PRKN: variants seen among roughly 807,000 people sequenced by gnomAD.
The protein encoded by PRKN is parkin RBR E3 ubiquitin protein ligase, also known as E3 ubiquitin-protein ligase parkin.
PRKN carries 56 observed loss-of-function variants against 59.5 expected under a neutral mutation model. The observed-to-expected ratio is 0.94, with a 90% CI of 0.76 to 1.18. The LOEUF is 1.18. PRKN is among the 50% of genes most tolerant of loss of function. The pLI is 0.00. For missense variants in PRKN, 657 were observed against 596.4 expected (o/e 1.10, Z -1.06); for synonymous variants, 250 against 222.1 (o/e 1.13, Z -1.12).
At chr6:162,180,984 A>G (rs1232242117) in intron 4 of PRKN, among the ~76,000 whole-genome samples, 1 of 152,250 alleles carries the variant, frequency 6.6e-6, no homozygotes, top group Non-Finnish European at 1.5e-5. Flanking sequence ...GATTGGCCTC[A>G]TTCTCAGGTG....
At chr6:162,665,716 T>C (rs982914009) in intron 1 of PRKN, among the ~76,000 whole-genome samples, 2 of 152,188 alleles carry the variant, frequency 1.3e-5, no homozygotes, top group Admixed American at 6.5e-5. Flanking sequence ...AGACCCTGTA[T>C]AGCCTAGACA....
intron 4 of PRKN, among the ~76,000 whole-genome samples, chr6:162,110,844 G>C (rs80106087): frequency 6.6e-6 from 1 of 152,096 alleles, no homozygotes; most frequent in Admixed American, 6.6e-5. Flanking sequence ...TCTAGGAAAC[G>C]GTCTTGCCAC....
chr6:161,940,740 G>A (rs1022729200), intron 6 of PRKN, among the ~76,000 whole-genome samples: 1 of 152,186 alleles, frequency 6.6e-6, no homozygotes, highest in South Asian at 2.1e-4. Flanking sequence ...TCAGAAATCA[G>A]AATGTCTATG....
intron 4 of PRKN, among the ~76,000 whole-genome samples, chr6:162,191,538 G>A (rs1176907245): frequency 6.6e-6 from 1 of 152,132 alleles, no homozygotes; most frequent in African/African-American, 2.4e-5. Flanking sequence ...TGCCTCCTGG[G>A]TTCAAGTGAT....
At position 162,727,750 on chromosome 6, in the gene PRKN, C is replaced by T; in HGVS notation, c.-82G>A. 3 of 1,434,436 alleles carry T rather than the reference C, an allele frequency of 2.1e-6. No individual in the cohort carries two copies. Among genetic ancestry groups the T allele is most frequent in the African/African-American group, 2.8e-5 (2 of 70,712 alleles). The allele number at this position is 1,434,436 out of a possible 1,614,324, so 88.9% of individuals were successfully genotyped here. On this transcript the variant is annotated 5_prime_UTR_variant, in exon 1 of 12. Coordinates refer to ENST00000366898, the MANE Select transcript of PRKN (RefSeq NM_004562.3). ...CCAGCCGCGCCTCCCACCAGCGGCT[C>T]TCCTGGGTTAAATCCTCCAGGCCTC...
chr6:162,727,762 ATCC>A lies in PRKN; in HGVS notation c.-97_-95del. ...CCCACCAGCGGCTCTCCTGGGTTAA[ATCC>A]TCCAGGCCTCCCCGCCCCCGCGCCC... On this transcript the variant is annotated 5_prime_UTR_variant, in exon 1 of 12. Transcript: ENST00000366898. The A allele has an allele frequency of 7.5e-7, 1 of 1,325,848 alleles. No homozygotes were observed. The highest frequency in any genetic ancestry group is 1.1e-6 in the Non-Finnish European group (1 of 945,114). 82.1% of individuals were successfully genotyped at this position (1,325,848 alleles called of 1,614,324 possible). A position where few individuals can be genotyped will look rare whatever the true frequency, so the allele number is the denominator to read the frequency against.
chr6:161,759,696 A>G (rs998392278), intron 7 of PRKN, among the ~76,000 whole-genome samples: 3 of 152,142 alleles, frequency 2.0e-5, no homozygotes, highest in African/African-American at 7.2e-5. Context: ...TAATTGCTAG[A>G]TCCTTCCACG....
In PRKN at chr6:161,431,070, C is replaced by T. The variant is rs559315468; in HGVS notation, c.1084-44193G>A. ...AGGAGAATTGCTTGAACCTGGGGGG[C>T]GGAGGTTGAAACGAGTCGAGATCAC... On this transcript the variant is annotated intron_variant, in intron 9 of 11. Transcript: ENST00000366898. 6.8e-5 allele frequency among the ~76,000 whole-genome samples: 10 copies of T among 147,914 alleles called. No homozygotes were observed. The East Asian group carries it at 9.9e-4, about 15-fold the overall frequency.
At chr6:162,568,766 C>A in intron 1 of PRKN, 2 of 742,632 alleles carry the variant, frequency 2.7e-6, no homozygotes, top group South Asian at 2.7e-5. Context: ...GGCAGCCGGA[C>A]ACTCTGGTCC....
chr6:162,022,964 G>T (rs1000197797), intron 5 of PRKN, among the ~76,000 whole-genome samples: 9 of 152,122 alleles, frequency 5.9e-5, no homozygotes, highest in Admixed American at 1.3e-4. Flanking sequence ...TCAGTTGCTT[G>T]TAGGTATGAG....
At chr6:161,472,615 C>T (rs1469430630) in intron 9 of PRKN, among the ~76,000 whole-genome samples, 2 of 152,004 alleles carry the variant, frequency 1.3e-5, no homozygotes, top group Non-Finnish European at 2.9e-5. Context: ...GATACCACAC[C>T]AAAGCTCAGG....
intron 7 of PRKN, among the ~76,000 whole-genome samples, chr6:161,680,775 A>ATATATATTTT (rs1216235673): frequency 2.3e-4 from 7 of 30,618 alleles, no homozygotes; most frequent in Admixed American, 5.1e-4. Flanking sequence ...ATATATATAT[A>ATATATATTTT]TTTTTTTTTT....
intron 1 of PRKN, among the ~76,000 whole-genome samples, chr6:162,470,462 G>A (rs1179514316): frequency 6.6e-6 from 1 of 152,074 alleles, no homozygotes; most frequent in Non-Finnish European, 1.5e-5. Context: ...CAATTAGCCA[G>A]GCGTGGTGGC....
chr6:161,829,008 CT>C (rs1285889390), intron 6 of PRKN, among the ~76,000 whole-genome samples: 16 of 152,030 alleles, frequency 1.1e-4, no homozygotes, highest in African/African-American at 3.9e-4. Flanking sequence ...GGGTGGATCC[CT>C]TGAGGTCAGG....
At chr6:161,885,135 TAAAA>T (rs66612910) in intron 6 of PRKN, among the ~76,000 whole-genome samples, 1 of 121,776 alleles carries the variant, frequency 8.2e-6, no homozygotes, top group Admixed American at 8.0e-5. Flanking sequence ...GAAGAAAAAC[TAAAA>T]AAAAAAAAAA....
At position 161,576,163 on chromosome 6, in the gene PRKN, T is replaced by C. The variant is rs573646370; in HGVS notation, c.872-6747A>G. On this transcript the variant is annotated intron_variant, in intron 7 of 11. Coordinates refer to ENST00000366898, the MANE Select transcript of PRKN (RefSeq NM_004562.3). The surrounding 1 kb of genome is among the most constrained non-coding windows in gnomAD (Gnocchi z 4.6). ...AAGCTGTCTCGACAGAGTAATTGCA[T>C]TCAGTCAGCAGCAGGACTTTACAGA... Among the ~76,000 whole-genome samples, 1 of 152,346 alleles carries C rather than the reference T, an allele frequency of 6.6e-6. No homozygotes were observed. Among genetic ancestry groups the C allele is most frequent in the South Asian group, 2.1e-4 (1 of 4,830 alleles).
chr6:162,431,532 T>C (rs1212795260), intron 2 of PRKN, among the ~76,000 whole-genome samples: 1 of 152,022 alleles, frequency 6.6e-6, no homozygotes, highest in Non-Finnish European at 1.5e-5. Context: ...CACTCCAGCC[T>C]GGGCTACAGA....
At chr6:162,088,447 A>T (rs1779343814) in intron 4 of PRKN, among the ~76,000 whole-genome samples, 1 of 152,196 alleles carries the variant, frequency 6.6e-6, no homozygotes. Flanking sequence ...GCTACTTGTT[A>T]TATCTTTCTA....
At chr6:161,879,064 A>C (rs1268467895) in intron 6 of PRKN, among the ~76,000 whole-genome samples, 1 of 152,070 alleles carries the variant, frequency 6.6e-6, no homozygotes, top group Non-Finnish European at 1.5e-5. Context: ...CTCTGCTCCA[A>C]ACCTTATATC....
Sources: allele counts gnomAD v4.1 joint callset (sites outside exome capture counted in the v4.1 genomes callset), GRCh38; gene constraint gnomAD v4.1.1; non-coding constraint Gnocchi (gnomAD v3.1); transcripts MANE v1.5; gene names NCBI Gene and HGNC (gene_info 2026-07-23, HGNC 2026-07-21).